The following PKD1L3 variants were observed in gnomAD, a reference collection of about 807,000 sequenced individuals.
PKD1L3 encodes polycystin-1-like protein 3.
PKD1L3 carries 239 observed loss-of-function variants against 184.1 expected under a neutral mutation model. That is an observed-to-expected ratio of 1.30 (90% confidence interval 1.17 to 1.45). The LOEUF (loss-of-function observed/expected upper bound fraction) is 1.45. PKD1L3 is among the 40% of genes most tolerant of loss of function. The pLI, the probability that PKD1L3 is intolerant of heterozygous loss-of-function variation, is 0.00. For missense variants in PKD1L3, 2,660 were observed against 2,067.2 expected, an observed-to-expected ratio of 1.29 and a Z score of -5.56; for synonymous variants, 996 against 778.8, an observed-to-expected ratio of 1.28 and a Z score of -4.64.
chr16:71,949,543 G>C (rs2038748796), intron 21 of PKD1L3, among the ~76,000 whole-genome samples: 1 of 151,892 alleles, frequency 6.6e-6, no homozygotes, highest in Non-Finnish European at 1.5e-5. Flanking sequence ...TGTAGACATG[G>C]AGTTTCATCA....
intron 12 of PKD1L3, among the ~76,000 whole-genome samples, chr16:71,970,913 G>A (rs1018753627): frequency 2.0e-5 from 3 of 152,186 alleles, no homozygotes. Context: ...CAAGAGATAT[G>A]TACAGTATAA....
At chr16:71,931,137 G>A (rs2143075056) in intron 28 of PKD1L3, 1 of 152,094 alleles carries the variant, frequency 6.6e-6, no homozygotes, top group East Asian at 1.9e-4. Context: ...GTATTTTTAT[G>A]TACAATTACA....
chr16:71,971,982 C>G (rs550990839), intron 12 of PKD1L3, among the ~76,000 whole-genome samples: 3 of 151,990 alleles, frequency 2.0e-5, no homozygotes, highest in African/African-American at 7.2e-5. Flanking sequence ...TTTGGGAGGC[C>G]GAGGCAGGCG....
intron 5 of PKD1L3, among the ~76,000 whole-genome samples, chr16:71,985,600 T>A (rs1248520327): frequency 6.6e-6 from 1 of 151,978 alleles, no homozygotes; most frequent in East Asian, 1.9e-4. Context: ...CCTGGCTAAT[T>A]TTTTTTTGAA....
At chr16:71,967,021 T>G in intron 15 of PKD1L3, 116 bp downstream of exon 15, 1 of 1,154,244 alleles carries the variant, frequency 8.7e-7, no homozygotes, top group South Asian at 1.7e-5. Context: ...TGAAATCTAA[T>G]AGTCATTTGT....
chr16:71,982,261 C>T, intron 6 of PKD1L3, 26 bp from the exon 7 acceptor site: 1 of 1,110,106 alleles, frequency 9.0e-7, no homozygotes, highest in Non-Finnish European at 1.3e-6. Flanking sequence ...AGCAAACATA[C>T]ACCCTTGAAT....
At chr16:71,934,264 T>A in intron 26 of PKD1L3, 139 bp from the exon 27 acceptor site, 1 of 745,192 alleles carries the variant, frequency 1.3e-6, no homozygotes, top group South Asian at 1.7e-5. Flanking sequence ...CTGCTTTCTA[T>A]TGTGGCCTCC....
intron 16 of PKD1L3, among the ~76,000 whole-genome samples, chr16:71,959,277 G>A (rs2039177125): frequency 6.6e-6 from 1 of 151,944 alleles, no homozygotes; most frequent in Non-Finnish European, 1.5e-5. Flanking sequence ...GGGCATGGTG[G>A]CGCATGTCTG....
rs935261665 is a variant in PKD1L3, at chr16:71,993,232, T to C, written c.519A>G (p.Arg173=). The C allele has an allele frequency of 6.5e-7, 1 of 1,548,280 alleles. No individual in the cohort carries two copies. The highest frequency in any genetic ancestry group is 1.4e-5 in the African/African-American group (1 of 72,694). Reference sequence around the variant, plus strand: ...ACGCATTACCTGGGGGCATTTTGTCTCTTGCTATTGCAACTCCTCTTTTTG... The same window carrying C: ...ACGCATTACCTGGGGGCATTTTGTCCCTTGCTATTGCAACTCCTCTTTTTG... ...KKTKRGVAIA[R]DKMPPGPGHL... is the part of the protein sequence containing the mutation. Residue 173 remains arginine, a synonymous_variant, in exon 3 of 30, where the codon AGA becomes AGG. Transcript: ENST00000620267.
At chr16:71,966,699 T>G (rs776180080) in intron 15 of PKD1L3, among the ~76,000 whole-genome samples, 8 of 152,178 alleles carry the variant, frequency 5.3e-5, no homozygotes, top group Non-Finnish European at 1.2e-4. Context: ...CCCAAAGTAC[T>G]GGGATTACAG....
At chr16:71,979,729 G>T (rs1275069660) in intron 9 of PKD1L3, 57 bp downstream of exon 9, 5 of 1,453,888 alleles carry the variant, frequency 3.4e-6, no homozygotes, top group Non-Finnish European at 3.6e-6. Context: ...TCACCCAAAT[G>T]CCTACATGGC....
intron 23 of PKD1L3, 123 bp downstream of exon 23, chr16:71,943,907 C>G (rs1001558329): frequency 2.5e-6 from 3 of 1,180,978 alleles, no homozygotes; most frequent in African/African-American, 3.1e-5. Context: ...CCAAATCTCA[C>G]AGGGTGAAGA....
chr16:71,948,363 G>A (rs1186183569), intron 21 of PKD1L3, among the ~76,000 whole-genome samples: 2 of 152,110 alleles, frequency 1.3e-5, no homozygotes, highest in South Asian at 2.1e-4. Flanking sequence ...GTTTACAGGC[G>A]TGAGCCCCCA....
intron 24 of PKD1L3, 110 bp from the exon 25 acceptor site, chr16:71,937,529 T>G: frequency 1.7e-6 from 2 of 1,178,988 alleles, no homozygotes; most frequent in Admixed American, 5.1e-5. Context: ...CAAATGTTTC[T>G]GAGTCTCAGT....
At chr16:71,989,526 T>G (rs1056599580) in intron 4 of PKD1L3, among the ~76,000 whole-genome samples, 2 of 152,232 alleles carry the variant, frequency 1.3e-5, no homozygotes. Flanking sequence ...TATCTGTGTT[T>G]AGGCATCAAC....
chr16:71,993,810 T>A (rs561663678), intron 2 of PKD1L3, among the ~76,000 whole-genome samples: 1 of 152,340 alleles, frequency 6.6e-6, no homozygotes, highest in South Asian at 2.1e-4. Flanking sequence ...ATTTTTGCTC[T>A]GTTGCCCAGG....
chr16:71,983,000 A>G (rs939317433), intron 6 of PKD1L3, among the ~76,000 whole-genome samples: 1 of 152,230 alleles, frequency 6.6e-6, no homozygotes, highest in African/African-American at 2.4e-5. Context: ...GAAGGAGAAT[A>G]TATTATTTCA....
intron 16 of PKD1L3, 31 bp from the exon 17 acceptor site, chr16:71,954,332 T>G: frequency 6.9e-7 from 1 of 1,457,528 alleles, no homozygotes; most frequent in South Asian, 1.4e-5. Context: ...AGGAAATACA[T>G]GAGATTTTAT....
chr16:71,975,370 C>A (rs547057192), intron 11 of PKD1L3, among the ~76,000 whole-genome samples: 50 of 152,060 alleles, frequency 3.3e-4, no homozygotes, highest in African/African-American at 1.2e-3. Context: ...ACATTTTTAA[C>A]TGTAATGTTA....
Sources: allele counts gnomAD v4.1 joint callset (sites outside exome capture counted in the v4.1 genomes callset), GRCh38; gene constraint gnomAD v4.1.1; transcripts MANE v1.5; gene names NCBI Gene and HGNC (gene_info 2026-07-23, HGNC 2026-07-21).